XKR6: variants seen among roughly 807,000 people sequenced by gnomAD.
XKR6 encodes XK-related protein 6.
A neutral mutation model predicts 56.7 loss-of-function variants in XKR6; 22 were observed. That is an observed-to-expected ratio of 0.39 (90% CI 0.28 to 0.55). The LOEUF (loss-of-function observed/expected upper bound fraction) is 0.55, where lower values mean the gene tolerates loss of function less well. XKR6 is among the 20% of genes least tolerant of loss of function. XKR6 has a pLI of 0.66. For missense variants in XKR6, 852 were observed against 889.0 expected (o/e 0.96, Z 0.53); for synonymous variants, 524 against 387.8 (o/e 1.35, Z -4.13).
intron 1 of XKR6, among the ~76,000 whole-genome samples, chr8:11,154,415 G>A (rs1000450359): frequency 1.2e-4 from 18 of 152,182 alleles, no homozygotes; most frequent in Admixed American, 7.2e-4. Context: ...AGAGGAGAAC[G>A]GAAGATTCAC....
intron 1 of XKR6, among the ~76,000 whole-genome samples, chr8:11,165,132 C>G (rs1157294815): frequency 8.0e-6 from 1 of 124,270 alleles, no homozygotes; most frequent in Non-Finnish European, 1.6e-5. Context: ...CAGAGTGTCG[C>G]TTTGTCACCC....
chr8:11,123,852 G>C (rs1378014121), intron 1 of XKR6: 1 of 456,204 alleles, frequency 2.2e-6, no homozygotes, highest in East Asian at 7.0e-5. Flanking sequence ...AGTGTCCCGT[G>C]GTCCCCACCT....
chr8:11,093,050 CTTTT>C (rs1225194421), intron 1 of XKR6, among the ~76,000 whole-genome samples: 1 of 151,250 alleles, frequency 6.6e-6, no homozygotes, highest in Non-Finnish European at 1.5e-5. Context: ...CTTTCTCTTT[CTTTT>C]TCTTTTCTTT....
At chr8:11,022,256 G>C (rs949168418) in intron 1 of XKR6, among the ~76,000 whole-genome samples, 3 of 151,896 alleles carry the variant, frequency 2.0e-5, no homozygotes, top group African/African-American at 7.3e-5. Flanking sequence ...GCAGAGTGCT[G>C]TTGCCTTAGC....
chr8:11,167,646 A>G (rs111503801), intron 1 of XKR6, among the ~76,000 whole-genome samples: 1 of 152,344 alleles, frequency 6.6e-6, no homozygotes, highest in South Asian at 2.1e-4. Context: ...ACACATGCTC[A>G]GAATAAAACC....
At chr8:11,173,478 G>T (rs1394150850) in intron 1 of XKR6, among the ~76,000 whole-genome samples, 2 of 151,796 alleles carry the variant, frequency 1.3e-5, no homozygotes, top group South Asian at 2.1e-4. Flanking sequence ...GCACAGCATC[G>T]TCAGAACATG....
rs949243926 is a variant in XKR6, at chr8:11,146,982, G to C, written c.764+53594C>G. ...CACAAGCTGGGGAAGAGGAAAATGG[G>C]GAGGTGATGGTCAAAGGGAAAAAAT... On this transcript the variant is annotated intron_variant, in intron 1 of 2. Transcript: ENST00000416569. 6.7e-4 allele frequency among the ~76,000 whole-genome samples: 102 copies of C among 151,964 alleles called. 1 individual carries two copies. Among genetic ancestry groups the C allele is most frequent in the African/African-American group, 2.1e-3 (88 of 41,388 alleles).
chr8:11,126,941 A>T (rs1799831637), intron 1 of XKR6, among the ~76,000 whole-genome samples: 1 of 152,232 alleles, frequency 6.6e-6, no homozygotes, highest in Non-Finnish European at 1.5e-5. Context: ...CATGCCACAC[A>T]GCAAACCAGC....
In XKR6 at chr8:11,201,044, G is replaced by A; in HGVS notation, c.296C>T (p.Ala99Val). The change falls in exon 1 of 3, where the codon GCG (alanine) becomes GTG (valine). Residue 99 changes from alanine (A) to valine (V), a missense_variant. Physicochemically the swap from Ala to Val is moderately conservative, Grantham distance 64 (BLOSUM62 0). Transcript: ENST00000416569. ...DGGDQPLQPP[A>V]APGAGRQPPT... ...GGGTTGGCGGCCGGCGCCGGGGGCC[G>A]CGGGAGGCTGCAGCGGCTGGTCCCC... 8.3e-7 allele frequency: 1 copy of A among 1,207,858 alleles called. No individual in the cohort carries two copies. Among genetic ancestry groups the A allele is most frequent in the Middle Eastern group, 3.0e-4 (1 of 3,300 alleles). The allele number at this position is 1,207,858 out of a possible 1,614,324, so 74.8% of individuals were successfully genotyped here.
At chr8:10,914,479 G>C (rs755519418) in intron 2 of XKR6, among the ~76,000 whole-genome samples, 3 of 152,184 alleles carry the variant, frequency 2.0e-5, no homozygotes, top group Non-Finnish European at 4.4e-5. Flanking sequence ...CGAGGTCTCA[G>C]GTTCTTGATG....
chr8:10,940,764 G>C (rs992975268), intron 1 of XKR6, among the ~76,000 whole-genome samples: 1 of 152,194 alleles, frequency 6.6e-6, no homozygotes, highest in Admixed American at 6.5e-5. Flanking sequence ...GCTGTACCCC[G>C]AGATGTCACA....
chr8:10,912,346 A>ATG (rs1313140550), intron 2 of XKR6, among the ~76,000 whole-genome samples: 6 of 125,192 alleles, frequency 4.8e-5, no homozygotes, highest in African/African-American at 5.9e-5. Flanking sequence ...ATATATATGG[A>ATG]GAGAGAGAGA....
intron 1 of XKR6, among the ~76,000 whole-genome samples, chr8:10,975,643 C>A (rs1224858767): frequency 6.6e-6 from 1 of 152,204 alleles, no homozygotes; most frequent in Non-Finnish European, 1.5e-5. Flanking sequence ...GACATCTGTC[C>A]CAGTGAGATT....
chr8:10,952,448 T>TTTG (rs1801755281), intron 1 of XKR6, among the ~76,000 whole-genome samples: 1 of 152,202 alleles, frequency 6.6e-6, no homozygotes, highest in South Asian at 2.1e-4. Context: ...CATTATTATA[T>TTTG]TTGTTTTTTC....
At chr8:11,150,471 T>A (rs984967528) in intron 1 of XKR6, among the ~76,000 whole-genome samples, 1 of 152,020 alleles carries the variant, frequency 6.6e-6, no homozygotes, top group African/African-American at 2.4e-5. Context: ...CCCCCCGGGG[T>A]TCTGGAAACT....
chr8:10,904,368 G>A (rs1800125497), intron 2 of XKR6, among the ~76,000 whole-genome samples: 1 of 152,140 alleles, frequency 6.6e-6, no homozygotes, highest in Admixed American at 6.5e-5. Flanking sequence ...GGGGTCTCAG[G>A]TTCCAGAAAT....
At chr8:11,004,255 TG>T (rs1798313890) in intron 1 of XKR6, among the ~76,000 whole-genome samples, 1 of 152,108 alleles carries the variant, frequency 6.6e-6, no homozygotes, top group Admixed American at 6.5e-5. Context: ...AGGTGGATCA[TG>T]AGGTCAGGAG....
chr8:10,930,613 G>T (rs1288327222), intron 1 of XKR6, among the ~76,000 whole-genome samples: 6 of 152,212 alleles, frequency 3.9e-5, no homozygotes, highest in Middle Eastern at 3.2e-3. Context: ...ACCAACTGGG[G>T]TTTATCCTGG....
At chr8:10,900,706 C>T (rs1046494547) in intron 2 of XKR6, among the ~76,000 whole-genome samples, 2 of 152,206 alleles carry the variant, frequency 1.3e-5, no homozygotes, top group South Asian at 2.1e-4. Flanking sequence ...ACACACAAGA[C>T]ATCTCATGTG....
Sources: allele counts gnomAD v4.1 joint callset (sites outside exome capture counted in the v4.1 genomes callset), GRCh38; gene constraint gnomAD v4.1.1; transcripts MANE v1.5; gene names NCBI Gene and HGNC (gene_info 2026-07-23, HGNC 2026-07-21).